Variants in ALOX5 observed in about 807,000 individuals in gnomAD.
ALOX5 encodes polyunsaturated fatty acid 5-lipoxygenase.
In ALOX5, 64 loss-of-function variants were observed where a neutral mutation model predicts 87.9. The observed-to-expected ratio is 0.73, with a 90% CI of 0.60 to 0.90. The LOEUF (loss-of-function observed/expected upper bound fraction) is 0.90, where lower values mean the gene tolerates loss of function less well. Among genes scored for constraint, ALOX5 ranks in the 40% least tolerant of loss-of-function variants. The pLI is 0.00. For synonymous variants in ALOX5, 388 were observed against 355.1 expected, an observed-to-expected ratio of 1.09 and a Z score of -1.04; for missense variants, 822 against 907.5, an observed-to-expected ratio of 0.91 and a Z score of 1.21.
At chr10:45,431,794 G>A (rs143254579) in intron 7 of ALOX5, among the ~76,000 whole-genome samples, 5,417 of 151,976 alleles carry the variant, frequency 0.036, 141 homozygotes, top group East Asian at 0.052. Context: ...GGCTGGTCTC[G>A]AACTCCTGAC....
intron 3 of ALOX5, among the ~76,000 whole-genome samples, chr10:45,398,558 T>G (rs60146827): frequency 0.067 from 10,262 of 152,050 alleles, 472 homozygotes; most frequent in East Asian, 0.18. Context: ...ATCAAGAAAG[T>G]GAAAAGATGA....
chr10:45,442,110 A>G (rs1317664904), intron 9 of ALOX5, among the ~76,000 whole-genome samples: 2 of 152,164 alleles, frequency 1.3e-5, no homozygotes, highest in Admixed American at 6.5e-5. Flanking sequence ...TATCTCAAAT[A>G]CCTGGACACA....
At chr10:45,433,408 G>T (rs1174019097) in intron 7 of ALOX5, among the ~76,000 whole-genome samples, 2 of 152,212 alleles carry the variant, frequency 1.3e-5, no homozygotes, top group Non-Finnish European at 2.9e-5. Context: ...GAGCTGGACT[G>T]GGATCTGCTT....
Position 45,440,474 on chromosome 10 carries a change from G to C in ALOX5, c.1026G>C (p.Ser342=). ...ATGAGAACCCTATTTTCCTCCCTTCGGATGCAAAATACGACTGGCTTTTGG... is the reference window on the plus strand; with the variant it reads ...ATGAGAACCCTATTTTCCTCCCTTCCGATGCAAAATACGACTGGCTTTTGG... ...PGDENPIFLP[S]DAKYDWLLAK... is the part of the protein sequence containing the mutation. The change falls in exon 8 of 14, where the codon TCG becomes TCC. Residue 342 remains serine (S), a synonymous_variant. Coordinates refer to ENST00000374391, the MANE Select transcript of ALOX5 (RefSeq NM_000698.5). 6.2e-7 allele frequency: 1 copy of C among 1,614,168 alleles called. No homozygotes were observed. The highest frequency in any genetic ancestry group is 8.5e-7 in the Non-Finnish European group (1 of 1,180,034).
intron 6 of ALOX5, among the ~76,000 whole-genome samples, chr10:45,427,594 C>G (rs1204932268): frequency 6.6e-6 from 1 of 152,192 alleles, no homozygotes; most frequent in Non-Finnish European, 1.5e-5. Context: ...TGCAGGGGGG[C>G]GCTCTGGGAT....
chr10:45,395,737 G>T (rs888264531), intron 2 of ALOX5, 118 bp from the exon 3 acceptor site: 1 of 774,700 alleles, frequency 1.3e-6, no homozygotes. Context: ...GCTCAAATGA[G>T]GTCATGCACA....
chr10:45,437,642 T>C (rs1169060038), intron 7 of ALOX5, among the ~76,000 whole-genome samples: 1 of 152,254 alleles, frequency 6.6e-6, no homozygotes, highest in African/African-American at 2.4e-5. Context: ...CCCATGCCCC[T>C]TCCTTATTTG....
rs1040550036 is a variant in ALOX5 at position 45,425,622 on chromosome 10, C to G, written c.834+490C>G. On this transcript the variant is annotated intron_variant, in intron 6 of 13. Transcript: ENST00000374391. This position sits in a 1 kb window ranked among gnomAD's most constrained non-coding sequence, Gnocchi z 4.4. Reference sequence around the variant, plus strand: ...GAAATGCTGCTGCCCATGCTCCTGTCGCACCCTCCTCCCCACCCTCACCTG... The same window carrying G: ...GAAATGCTGCTGCCCATGCTCCTGTGGCACCCTCCTCCCCACCCTCACCTG... Among the ~76,000 whole-genome samples, 1 of 152,210 alleles carries G rather than the reference C, an allele frequency of 6.6e-6. No individual in the cohort carries two copies. The highest frequency in any genetic ancestry group is 2.4e-5 in the African/African-American group (1 of 41,462).
At chr10:45,395,580 A>G (rs1224805108) in intron 2 of ALOX5, among the ~76,000 whole-genome samples, 2 of 150,824 alleles carry the variant, frequency 1.3e-5, no homozygotes, top group African/African-American at 2.5e-5. Context: ...CGTTGTGCAC[A>G]TGTATCCTAG....
chr10:45,382,946 C>A (rs1235172486), intron 2 of ALOX5, among the ~76,000 whole-genome samples: 4 of 152,236 alleles, frequency 2.6e-5, no homozygotes, highest in Non-Finnish European at 5.9e-5. Context: ...GAGGGTTGTG[C>A]CCCTCTTTTT....
rs746580878 is a variant in ALOX5 at position 45,395,846 on chromosome 10, T to C, written c.350-9T>C. 3 of 1,614,048 alleles carry C rather than the reference T, an allele frequency of 1.9e-6. No individual in the cohort carries two copies. The highest frequency in any genetic ancestry group is 2.2e-5 in the South Asian group (2 of 91,088). On this transcript the variant is annotated splice_polypyrimidine_tract_variant and intron_variant, in intron 2 of 13. Coordinates refer to ENST00000374391, the MANE Select transcript of ALOX5 (RefSeq NM_000698.5). ...CTCAGGCTCCTCTCATGTTGTTCTT[T>C]CTTTACAGCAAAGTTGGCCCGAGAT...
At chr10:45,436,415 G>A (rs367971489) in intron 7 of ALOX5, among the ~76,000 whole-genome samples, 186 of 152,226 alleles carry the variant, frequency 1.2e-3, no homozygotes, top group African/African-American at 3.5e-3. Flanking sequence ...TCCATCTAGA[G>A]GTAATTTTTG....
intron 2 of ALOX5, among the ~76,000 whole-genome samples, chr10:45,393,224 A>G (rs1840359607): frequency 6.6e-6 from 1 of 152,230 alleles, no homozygotes; most frequent in Non-Finnish European, 1.5e-5. Flanking sequence ...GGCAAACCGA[A>G]TCCAGCAGCA....
At chr10:45,415,391 C>G (rs2132771054) in intron 4 of ALOX5, among the ~76,000 whole-genome samples, 1 of 152,136 alleles carries the variant, frequency 6.6e-6, no homozygotes, top group African/African-American at 2.4e-5. Context: ...ACAATGAGAA[C>G]ACTTGGACAC....
At chr10:45,375,853 G>A (rs1839586913) in intron 1 of ALOX5, among the ~76,000 whole-genome samples, 1 of 152,228 alleles carries the variant, frequency 6.6e-6, no homozygotes, top group African/African-American at 2.4e-5. Context: ...TGACCCTGAG[G>A]ACTGCGGTGC....
chr10:45,404,711 C>T (rs1199475719), intron 3 of ALOX5, among the ~76,000 whole-genome samples: 1 of 152,222 alleles, frequency 6.6e-6, no homozygotes, highest in East Asian at 1.9e-4. Flanking sequence ...TAATTTCTAG[C>T]TGTTGCAAAC....
chr10:45,391,977 G>A (rs576837482), intron 2 of ALOX5, among the ~76,000 whole-genome samples: 6 of 151,894 alleles, frequency 4.0e-5, no homozygotes, highest in Admixed American at 1.3e-4. Flanking sequence ...CACCCTGTCC[G>A]GGAGGGAGGT....
intron 6 of ALOX5, among the ~76,000 whole-genome samples, chr10:45,428,121 C>T: frequency 7.1e-6 from 1 of 140,690 alleles, no homozygotes; most frequent in East Asian, 2.4e-4. Flanking sequence ...AGAATCCCCT[C>T]CCCCTTCCCC....
chr10:45,393,415 A>G (rs1037067006), intron 2 of ALOX5, among the ~76,000 whole-genome samples: 13 of 152,214 alleles, frequency 8.5e-5, no homozygotes, highest in African/African-American at 2.4e-4. Flanking sequence ...CATTCATGCT[A>G]AAAACTCTCA....
Sources: gnomAD v4.1 joint callset for allele counts (sites outside exome capture counted in the v4.1 genomes callset) on GRCh38, gnomAD v4.1.1 for gene constraint, Gnocchi (gnomAD v3.1) non-coding constraint, MANE v1.5 for transcripts, NCBI Gene and HGNC (gene_info 2026-07-23, HGNC 2026-07-21) for gene names.